CDH18: variants seen among roughly 807,000 people sequenced by gnomAD.
CDH18 encodes the protein cadherin-18.
CDH18 carries 31 observed loss-of-function variants against 67.9 expected under a neutral mutation model. The observed-to-expected ratio is 0.46, with a 90% confidence interval of 0.34 to 0.62. CDH18 has a LOEUF of 0.62. Ranked by LOEUF, CDH18 falls within the 20% of genes least tolerant of loss-of-function variation. CDH18 has a pLI of 0.01. For synonymous variants in CDH18, 362 were observed against 347.2 expected, an observed-to-expected ratio of 1.04 and a Z score of -0.48; for missense variants, 890 against 975.5, an observed-to-expected ratio of 0.91 and a Z score of 1.17.
At chr5:19,837,559 G>A (rs1458568340) in intron 3 of CDH18, among the ~76,000 whole-genome samples, 1 of 151,982 alleles carries the variant, frequency 6.6e-6, no homozygotes, top group African/African-American at 2.4e-5. Context: ...TAGTTCTTCT[G>A]TCTCATTTTA....
At chr5:19,552,062 T>C (rs770343640) in intron 8 of CDH18, among the ~76,000 whole-genome samples, 4 of 152,142 alleles carry the variant, frequency 2.6e-5, no homozygotes, top group Admixed American at 6.6e-5. Flanking sequence ...TTTGTAAATA[T>C]GTTGGTAGCA....
At chr5:20,294,172 A>G (rs1303405121) in intron 1 of CDH18, among the ~76,000 whole-genome samples, 1 of 152,204 alleles carries the variant, frequency 6.6e-6, no homozygotes, top group Non-Finnish European at 1.5e-5. Context: ...AACACTTACG[A>G]AAGCATTTCA....
At chr5:19,787,179 T>G (rs1383827336) in intron 3 of CDH18, among the ~76,000 whole-genome samples, 2 of 152,178 alleles carry the variant, frequency 1.3e-5, no homozygotes, top group Non-Finnish European at 2.9e-5. Flanking sequence ...AGAGTCATTT[T>G]ATTTTTGTAC....
At chr5:20,243,843 C>T (rs1364308299) in intron 2 of CDH18, among the ~76,000 whole-genome samples, 1 of 152,066 alleles carries the variant, frequency 6.6e-6, no homozygotes, top group Non-Finnish European at 1.5e-5. Context: ...AGGATTGGCA[C>T]TTGGGAACCT....
At chr5:19,881,337 AT>A (rs200356347) in intron 2 of CDH18, among the ~76,000 whole-genome samples, 3 of 151,836 alleles carry the variant, frequency 2.0e-5, no homozygotes, top group South Asian at 2.1e-4. Context: ...TAATAAATAG[AT>A]TTTTTTTGTC....
At chr5:19,890,366 A>G (rs2150081583) in intron 2 of CDH18, among the ~76,000 whole-genome samples, 1 of 152,130 alleles carries the variant, frequency 6.6e-6, no homozygotes, top group East Asian at 1.9e-4. Context: ...TCTGTAAAGT[A>G]CTTTTTTTCC....
rs58890205 is a variant in CDH18, at chr5:20,174,560, C to T, written c.-518+80884G>A. Among the ~76,000 whole-genome samples the T allele has an allele frequency of 8.9e-3, 1,359 of 152,160 alleles. 101 individuals are homozygous for T. In the East Asian group the frequency reaches 0.2, roughly 22 times the overall value. On this transcript the variant is annotated intron_variant, in intron 2 of 14. Coordinates refer to the CDH18 transcript ENST00000507958. The stretch of plus-strand genomic sequence containing the variant: ...ATTTATTCACCTTTTTTGGGGACAA[C>T]AAATGTTAACCTAGTCAAACATGCT...
At chr5:19,785,608 C>T (rs1342244298) in intron 3 of CDH18, among the ~76,000 whole-genome samples, 1 of 126,916 alleles carries the variant, frequency 7.9e-6, no homozygotes, top group Admixed American at 9.1e-5. Flanking sequence ...AAGCCGAGAT[C>T]ATGCCATTGC....
chr5:20,517,870 A>T (rs1474831463), intron 1 of CDH18, among the ~76,000 whole-genome samples: 2 of 152,098 alleles, frequency 1.3e-5, no homozygotes, highest in Non-Finnish European at 2.9e-5. Flanking sequence ...TTGGAAGAAA[A>T]TTCTTGGAGT....
chr5:20,035,462 G>A (rs571629213), intron 2 of CDH18, among the ~76,000 whole-genome samples: 1 of 152,008 alleles, frequency 6.6e-6, no homozygotes, highest in Admixed American at 6.6e-5. Flanking sequence ...TCATACTTCT[G>A]CATGGCTGGG....
intron 6 of CDH18, among the ~76,000 whole-genome samples, chr5:19,600,414 T>C (rs1746931877): frequency 6.6e-6 from 1 of 151,458 alleles, no homozygotes; most frequent in African/African-American, 2.4e-5. Context: ...GCTTTTAATG[T>C]CTTAAATTAA....
At chr5:20,108,427 C>A (rs1333607773) in intron 2 of CDH18, among the ~76,000 whole-genome samples, 2 of 152,036 alleles carry the variant, frequency 1.3e-5, no homozygotes, top group Non-Finnish European at 2.9e-5. Flanking sequence ...TCCAAACAGT[C>A]TTATTTCGAG....
At chr5:20,539,550 G>A (rs956051258) in intron 1 of CDH18, among the ~76,000 whole-genome samples, 1 of 152,090 alleles carries the variant, frequency 6.6e-6, no homozygotes, top group African/African-American at 2.4e-5. Flanking sequence ...TATATTTGGA[G>A]GTAATGGAAG....
upstream of CDH18, among the ~76,000 whole-genome samples, chr5:19,991,254 T>A (rs1176488537): frequency 1.3e-5 from 2 of 152,180 alleles, no homozygotes; most frequent in Admixed American, 1.3e-4. Flanking sequence ...GAGAAAACTC[T>A]TGTTATAATT....
rs905399246 is a variant in CDH18 at position 19,622,067 on chromosome 5, A to C, written c.644-9466T>G. On this transcript the variant is annotated intron_variant, in intron 5 of 12. Transcript: ENST00000382275. ...AAACAGCTATGGGATCCTGCTTCAA[A>C]TATTTCTCTACTGTTGGCCAACAGA... Among the ~76,000 whole-genome samples, 3 of 152,252 alleles carry C rather than the reference A, an allele frequency of 2.0e-5. No individual in the cohort carries two copies. The East Asian group carries it at 5.8e-4, about 29-fold the overall frequency.
chr5:19,817,970 T>C lies in CDH18; in HGVS notation c.228+20789A>G, dbSNP rs145474921. Among the ~76,000 whole-genome samples, 474 of 152,244 alleles carry C rather than the reference T, an allele frequency of 3.1e-3. 1 individual carries two copies. Among genetic ancestry groups the C allele is most frequent in the Non-Finnish European group, 5.5e-3 (377 of 67,966 alleles). On this transcript the variant is annotated intron_variant, in intron 3 of 12. Coordinates refer to ENST00000382275, the MANE Select transcript of CDH18 (RefSeq NM_004934.5). ...TTATTTATGGACTCTAAAATATAAA[T>C]TTTATATAAATTCCAGGTATCACAA...
In CDH18 at chr5:19,748,017, G is replaced by A. The variant is rs1289564760; in HGVS notation, c.229-781C>T. 2.7e-5 allele frequency among the ~76,000 whole-genome samples: 4 copies of A among 146,618 alleles called. No individual in the cohort carries two copies. The South Asian group carries it at 8.6e-4, about 32-fold the overall frequency. ...AGTCCCAGCTACTCGGGGGGCTGAG[G>A]CAGGAAAATGGCGTGAACCTGGGAG... On this transcript the variant is annotated intron_variant, in intron 3 of 12. Coordinates refer to ENST00000382275, the MANE Select transcript of CDH18 (RefSeq NM_004934.5).
chr5:19,671,940 C>A (rs1758807268), intron 5 of CDH18, among the ~76,000 whole-genome samples: 1 of 152,072 alleles, frequency 6.6e-6, no homozygotes, highest in Non-Finnish European at 1.5e-5. Context: ...GAAATACTGG[C>A]ATGTAGGAAC....
intron 2 of CDH18, among the ~76,000 whole-genome samples, chr5:20,065,516 C>A (rs1200492467): frequency 6.6e-6 from 1 of 151,796 alleles, no homozygotes; most frequent in Non-Finnish European, 1.5e-5. Flanking sequence ...TGAAGTTATT[C>A]CCCAATAAAC....
Sources: allele counts gnomAD v4.1 joint callset (sites outside exome capture counted in the v4.1 genomes callset), GRCh38; gene constraint gnomAD v4.1.1; transcripts MANE v1.5; gene names NCBI Gene and HGNC (gene_info 2026-07-23, HGNC 2026-07-21).